Variants in LRRIQ1 observed in about 807,000 individuals in gnomAD.
LRRIQ1 encodes leucine-rich repeat- and IQ domain-containing protein 1.
A neutral mutation model predicts 211.9 loss-of-function variants in LRRIQ1; 210 were observed. The ratio of observed to expected loss-of-function variants is 0.99; its 90% CI spans 0.89 to 1.11. The LOEUF (loss-of-function observed/expected upper bound fraction) is 1.11. Among genes scored for constraint, LRRIQ1 ranks in the 50% most tolerant of loss-of-function variants. LRRIQ1 has a pLI of 0.00. For missense variants in LRRIQ1, 2,136 were observed against 1,939.5 expected (o/e 1.10, Z -1.90); for synonymous variants, 699 against 650.1 (o/e 1.08, Z -1.14).
intron 24 of LRRIQ1, among the ~76,000 whole-genome samples, chr12:85,195,020 C>G (rs2136971417): frequency 6.6e-6 from 1 of 152,204 alleles, no homozygotes; most frequent in South Asian, 2.1e-4. Flanking sequence ...GAAATACAAA[C>G]TACATCAGAG....
chr12:85,221,900 C>A (rs189342801), intron 24 of LRRIQ1, among the ~76,000 whole-genome samples: 31 of 152,224 alleles, frequency 2.0e-4, no homozygotes, highest in Admixed American at 2.0e-3. Flanking sequence ...GGAGATATAT[C>A]TGTGGGAGGA....
At chr12:85,038,024 A>G (rs1878385144) in intron 1 of LRRIQ1, 129 bp from the exon 2 acceptor site, 1 of 467,722 alleles carries the variant, frequency 2.1e-6, no homozygotes, top group African/African-American at 2.0e-5. Flanking sequence ...TGTTTGGTGT[A>G]ACCATAATAA....
chr12:85,154,828 T>G (rs958595464), intron 23 of LRRIQ1, among the ~76,000 whole-genome samples: 2 of 151,290 alleles, frequency 1.3e-5, no homozygotes, highest in African/African-American at 4.8e-5. Context: ...TTTTGTTTTC[T>G]AAAGTTCTTA....
intron 15 of LRRIQ1, among the ~76,000 whole-genome samples, chr12:85,113,584 C>T (rs900207530): frequency 1.9e-4 from 29 of 152,120 alleles, no homozygotes; most frequent in African/African-American, 7.0e-4. Flanking sequence ...TATTTAATTA[C>T]ATTGTAATGT....
In LRRIQ1 at chr12:85,158,652, T is replaced by C. The variant is rs75105737; in HGVS notation, c.4721-1961T>C. Among the ~76,000 whole-genome samples the C allele has an allele frequency of 2.1e-3, 326 of 152,078 alleles. 5 individuals are homozygous for C. In the East Asian group the frequency reaches 0.046, roughly 21 times the overall value. On this transcript the variant is annotated intron_variant, in intron 23 of 26. Coordinates refer to ENST00000393217, the MANE Select transcript of LRRIQ1 (RefSeq NM_001079910.2). Reference sequence around the variant, plus strand: ...GGGACATGGTTACTTACCTAGGGGTTTCTTGAAACATTTTTGAACATCTAT... The same window carrying C: ...GGGACATGGTTACTTACCTAGGGGTCTCTTGAAACATTTTTGAACATCTAT...
the LRRIQ1 span, among the ~76,000 whole-genome samples, chr12:85,271,073 C>CA: frequency 1.3e-5 from 2 of 152,028 alleles, no homozygotes; most frequent in African/African-American, 4.8e-5. Context: ...CAGCTTAAGG[C>CA]AAAATATAAG....
chr12:85,124,158 G>A lies in LRRIQ1; in HGVS notation c.3646G>A (p.Glu1216Lys), dbSNP rs200154815. The A allele has an allele frequency of 2.0e-5, 32 of 1,613,976 alleles. 1 individual carries two copies. The Admixed American group carries it at 2.2e-4, about 11-fold the overall frequency. ...ILSTEYRHAH[E>K]RGDVTITKKD... ...TAGTACTGAATACCGACATGCACAC[G>A]AACGAGGGGATGTAACTATCACCAA... Residue 1216 changes from glutamate to lysine, a missense_variant, in exon 17 of 27, where the codon GAA becomes AAA. By Grantham distance (56) the Glu-to-Lys change is moderately conservative. Transcript: ENST00000393217.
Position 85,223,499 on chromosome 12 carries a change from G to A in LRRIQ1, c.4823-6018G>A, listed in dbSNP as rs185870929. Among the ~76,000 whole-genome samples, 6 of 152,310 alleles carry A rather than the reference G, an allele frequency of 3.9e-5. No homozygotes were observed. The East Asian group carries it at 7.7e-4, about 20-fold the overall frequency. On this transcript the variant is annotated intron_variant, in intron 24 of 26. Transcript: ENST00000393217. Reference sequence around the variant, plus strand: ...TCAGGCCATTTTACAGTATCTTGTAGTGATATTATTTGTGAAAAACAAAAT... The same window carrying A: ...TCAGGCCATTTTACAGTATCTTGTAATGATATTATTTGTGAAAAACAAAAT...
chr12:85,131,094 T>A (rs1260636372), intron 18 of LRRIQ1, among the ~76,000 whole-genome samples: 1 of 148,558 alleles, frequency 6.7e-6, no homozygotes, highest in Non-Finnish European at 1.5e-5. Flanking sequence ...CAGGTGCCTG[T>A]AAACTACTTG....
chr12:85,246,155 A>T (rs1334179296), downstream of LRRIQ1, among the ~76,000 whole-genome samples: 2 of 151,266 alleles, frequency 1.3e-5, no homozygotes, highest in African/African-American at 4.8e-5. Flanking sequence ...AAGTTTCAAA[A>T]ACCCTGGAGA....
At chr12:85,177,794 A>C (rs931642934) in intron 24 of LRRIQ1, among the ~76,000 whole-genome samples, 2 of 152,150 alleles carry the variant, frequency 1.3e-5, no homozygotes, top group Non-Finnish European at 2.9e-5. Context: ...GTGAAGGATT[A>C]ATAGGAAGGA....
intron 4 of LRRIQ1, among the ~76,000 whole-genome samples, chr12:85,045,744 G>T (rs1879464878): frequency 6.6e-6 from 1 of 151,800 alleles, no homozygotes; most frequent in Non-Finnish European, 1.5e-5. Flanking sequence ...TTGTCAGATG[G>T]TTTAATTGAA....
At chr12:85,135,186 C>T (rs1460416774) in intron 18 of LRRIQ1, among the ~76,000 whole-genome samples, 1 of 151,944 alleles carries the variant, frequency 6.6e-6, no homozygotes, top group African/African-American at 2.4e-5. Flanking sequence ...GTAACCAGGT[C>T]ATTTGTCCTA....
chr12:85,219,341 G>C (rs1439972909), intron 24 of LRRIQ1, among the ~76,000 whole-genome samples: 1 of 152,090 alleles, frequency 6.6e-6, no homozygotes, highest in Non-Finnish European at 1.5e-5. Context: ...CACAACTATA[G>C]TCGATTTGTT....
chr12:85,105,213 A>T (rs1886681425), intron 14 of LRRIQ1, among the ~76,000 whole-genome samples: 1 of 152,076 alleles, frequency 6.6e-6, no homozygotes, highest in Non-Finnish European at 1.5e-5. Context: ...ATGAGTAGAT[A>T]TTTTTAATTT....
intron 15 of LRRIQ1, 41 bp from the exon 16 acceptor site, chr12:85,121,656 A>G: frequency 6.9e-7 from 1 of 1,451,994 alleles, no homozygotes; most frequent in Non-Finnish European, 9.2e-7. Context: ...TACTCTCCTT[A>G]TCAAGATCAG....
chr12:85,152,864 A>G (rs1358559736), intron 20 of LRRIQ1, among the ~76,000 whole-genome samples, 160 bp from the exon 21 acceptor site: 5 of 151,646 alleles, frequency 3.3e-5, no homozygotes, highest in African/African-American at 1.2e-4. Context: ...ACAACAAAGG[A>G]CATGTATAAT....
chr12:85,110,118 A>G (rs1887068061), intron 15 of LRRIQ1, among the ~76,000 whole-genome samples: 1 of 152,140 alleles, frequency 6.6e-6, no homozygotes, highest in African/African-American at 2.4e-5. Context: ...ATTTCCCATT[A>G]CCATGTTAAC....
At chr12:85,068,813 T>C (rs1882730103) in intron 10 of LRRIQ1, among the ~76,000 whole-genome samples, 1 of 151,634 alleles carries the variant, frequency 6.6e-6, no homozygotes, top group Non-Finnish European at 1.5e-5. Flanking sequence ...TCCGTTGATT[T>C]GTTGCAGAAC....
Sources: allele counts gnomAD v4.1 joint callset (sites outside exome capture counted in the v4.1 genomes callset), GRCh38; gene constraint gnomAD v4.1.1; transcripts MANE v1.5; gene names NCBI Gene and HGNC (gene_info 2026-07-23, HGNC 2026-07-21).